Variants in KCNRG observed in about 807,000 individuals in gnomAD.
The protein encoded by KCNRG is potassium channel regulator, also known as potassium channel regulatory protein.
KCNRG carries 17 observed loss-of-function variants against 17.7 expected under a neutral mutation model. The ratio of observed to expected loss-of-function variants is 0.96; its 90% confidence interval spans 0.66 to 1.44. KCNRG has a LOEUF of 1.44. Among genes scored for constraint, KCNRG ranks in the 40% most tolerant of loss-of-function variants. The pLI, the probability that KCNRG is intolerant of heterozygous loss-of-function variation, is 0.00. For missense variants in KCNRG, 311 were observed against 321.1 expected (o/e 0.97, Z 0.24); for synonymous variants, 97 against 116.5 (o/e 0.83, Z 1.08).
At chr13:50,019,655 C>T (rs1877027466) in intron 1 of KCNRG, among the ~76,000 whole-genome samples, 1 of 152,114 alleles carries the variant, frequency 6.6e-6, no homozygotes, top group South Asian at 2.1e-4. Flanking sequence ...AGTGATCTCT[C>T]AAAAATTGAT....
intron 1 of KCNRG, among the ~76,000 whole-genome samples, chr13:50,019,206 G>A (rs1876988321): frequency 6.6e-6 from 1 of 151,536 alleles, no homozygotes; most frequent in Admixed American, 6.6e-5. Context: ...GTGCAATGGC[G>A]CCATCTTGGC....
At position 50,015,681 on chromosome 13, in the gene KCNRG, A is replaced by AT. The variant is rs758301144; in HGVS notation, c.194dup (p.Leu65PhefsTer11). 1.9e-6 allele frequency: 3 copies of AT among 1,614,108 alleles called. No individual in the cohort carries two copies. Among genetic ancestry groups the AT allele is most frequent in the Non-Finnish European group, 2.5e-6 (3 of 1,179,978 alleles). Reference sequence around the variant, plus strand: ...GGTGATTTGTTTAGTTTCATCTTAGATTTTTTGAGAACTCACCAGCTTTTA... The same window carrying AT: ...GGTGATTTGTTTAGTTTCATCTTAGATTTTTTTGAGAACTCACCAGCTTTTA... On this transcript the variant is annotated frameshift_variant, in exon 1 of 2. Coordinates refer to ENST00000312942, the MANE Select transcript of KCNRG (RefSeq NM_173605.2). LOFTEE classifies it high-confidence loss of function.
At position 50,016,072 on chromosome 13, in the gene KCNRG, G is replaced by A. The variant is rs1409404953; in HGVS notation, c.578+1G>A. On this transcript the variant is annotated splice_donor_variant, in intron 1 of 1. Coordinates refer to ENST00000312942, the MANE Select transcript of KCNRG (RefSeq NM_173605.2). LOFTEE classifies it high-confidence loss of function. ...CTACTGATAACCAAACTGGAGTCAG[G>A]TATTTTGTACTTTGCAGTATTTCTC... 1 of 1,610,576 alleles carries A rather than the reference G, an allele frequency of 6.2e-7. No individual in the cohort carries two copies. The highest frequency in any genetic ancestry group is 8.5e-7 in the Non-Finnish European group (1 of 1,177,042).
chr13:50,017,522 T>C (rs1308805741), intron 1 of KCNRG: 1 of 167,070 alleles, frequency 6.0e-6, no homozygotes, highest in African/African-American at 2.4e-5. Flanking sequence ...GAAAACATTA[T>C]ATTTAGACTT....
intron 1 of KCNRG, chr13:50,018,908 G>A: frequency 6.5e-6 from 1 of 154,974 alleles, no homozygotes. Flanking sequence ...CTCCCGAGTA[G>A]CTGGGATTAC....
chr13:50,020,452 T>A lies in KCNRG; in HGVS notation c.817T>A (p.Ter273ArgextTer51), dbSNP rs894509102. Residue 273 changes from the stop codon to arginine, a stop_lost, in exon 2 of 2, where the codon TGA becomes AGA. Coordinates refer to ENST00000312942, the MANE Select transcript of KCNRG (RefSeq NM_173605.2). ...ACCAGAGCAATCTCAGATAAAGAAATGAAGTTGTCTATCCTCTTTTAAAGA... is the reference window on the plus strand; with the variant it reads ...ACCAGAGCAATCTCAGATAAAGAAAAGAAGTTGTCTATCCTCTTTTAAAGA... ...IIPEQSQIKK* is the reference protein window; with the variant it reads ...IIPEQSQIKKR 4 of 1,612,354 alleles carry A rather than the reference T, an allele frequency of 2.5e-6. No individual in the cohort carries two copies. In the East Asian group the frequency reaches 8.9e-5, roughly 36 times the overall value.
rs1157678442 is a variant in KCNRG at position 50,016,050 on chromosome 13, C to G, written c.557C>G (p.Thr186Ser). The G allele has an allele frequency of 6.2e-7, 1 of 1,613,144 alleles. No individual in the cohort carries two copies. The highest frequency in any genetic ancestry group is 8.5e-7 in the Non-Finnish European group (1 of 1,179,140). ...LVFQCGSDST[T>S]DNQTGVRYVS... ...TTCCAGTGTGGTTCTGACAGCACTA[C>G]TGATAACCAAACTGGAGTCAGGTAT... Residue 186 changes from threonine (T) to serine (S), a missense_variant, in exon 1 of 2, where the codon ACT becomes AGT. Physicochemically the swap from Thr to Ser is moderately conservative, Grantham distance 58. Transcript: ENST00000312942.
Position 50,019,190 on chromosome 13 carries a change from G to A in KCNRG, c.579-1024G>A, listed in dbSNP as rs542411415. On this transcript the variant is annotated intron_variant, in intron 1 of 1. Transcript: ENST00000312942. The stretch of plus-strand genomic sequence containing the variant: ...GACGGAGTCTCGCTCTGTCACCCAG[G>A]CTGGAGTGCAATGGCGCCATCTTGG... Among the ~76,000 whole-genome samples the A allele has an allele frequency of 2.0e-5, 3 of 151,814 alleles. No individual in the cohort carries two copies. In the East Asian group the frequency reaches 5.8e-4, roughly 29 times the overall value.
chr13:50,019,766 G>T (rs1331086020), intron 1 of KCNRG, among the ~76,000 whole-genome samples: 1 of 151,982 alleles, frequency 6.6e-6, no homozygotes, highest in South Asian at 2.1e-4. Context: ...AGCCTAGCAC[G>T]GTGGCTCATG....
intron 1 of KCNRG, among the ~76,000 whole-genome samples, chr13:50,019,373 T>C (rs1379768016): frequency 2.0e-5 from 3 of 152,172 alleles, no homozygotes; most frequent in South Asian, 4.1e-4. Context: ...TGGAGAGTTA[T>C]TGCGTAAAAA....
chr13:50,020,099 A>C (rs1877063742), intron 1 of KCNRG, 115 bp from the exon 2 acceptor site: 2 of 962,600 alleles, frequency 2.1e-6, no homozygotes, highest in Non-Finnish European at 3.1e-6. Flanking sequence ...TTCAAAAAAA[A>C]AATCTGTCTT....
rs191718855 is a variant in KCNRG, at chr13:50,015,940, G to A, written c.447G>A (p.Ala149=). ...CAGTGTTTACAGAACAACCTTCAGCGCCGACCTGGAATGGTAACTTTTTCC... is the reference window on the plus strand; with the variant it reads ...CAGTGTTTACAGAACAACCTTCAGCACCGACCTGGAATGGTAACTTTTTCC... The part of the protein sequence containing the change: ...RITVFTEQPS[A]PTWNGNFFPP... The change falls in exon 1 of 2, where the codon GCG becomes GCA. Residue 149 remains alanine (A), a synonymous_variant. Coordinates refer to ENST00000312942, the MANE Select transcript of KCNRG (RefSeq NM_173605.2). 2.4e-5 allele frequency: 38 copies of A among 1,614,038 alleles called. 1 individual carries two copies. The South Asian group carries it at 3.2e-4, about 14-fold the overall frequency.
rs1594593317 is a variant in KCNRG at position 50,015,544 on chromosome 13, G to A, written c.51G>A (p.Thr17=). Residue 17 remains threonine (T), a synonymous_variant, in exon 1 of 2, where the codon ACG becomes ACA. Transcript: ENST00000312942. ...TGAATGTGGGAGGGAAGATATTCAC[G>A]ACAAGGTTTTCTACGATAAAGCAGT... ...VTLNVGGKIF[T]TRFSTIKQFP... is the part of the protein sequence containing the mutation. 1.2e-6 allele frequency: 2 copies of A among 1,613,988 alleles called. No individual in the cohort carries two copies. Among genetic ancestry groups the A allele is most frequent in the Non-Finnish European group, 1.7e-6 (2 of 1,179,954 alleles).
intron 1 of KCNRG, chr13:50,016,996 G>C (rs1876681851): frequency 6.0e-6 from 1 of 166,854 alleles, no homozygotes; most frequent in Non-Finnish European, 1.5e-5. Context: ...CCAACTGGAG[G>C]ACACTAGGTA....
chr13:50,020,483 TG>T lies in KCNRG; in HGVS notation c.*30del. The T allele has an allele frequency of 6.2e-7, 1 of 1,602,314 alleles. No individual in the cohort carries two copies. Among genetic ancestry groups the T allele is most frequent in the South Asian group, 1.1e-5 (1 of 90,028 alleles). On this transcript the variant is annotated 3_prime_UTR_variant, in exon 2 of 2. Transcript: ENST00000312942. Reference sequence around the variant, plus strand: ...TGTCTATCCTCTTTTAAAGAGAAATTGCCATTTTTCTTGTTTCATTACGTAT... The same window carrying T: ...TGTCTATCCTCTTTTAAAGAGAAATTCCATTTTTCTTGTTTCATTACGTAT...
Position 50,015,632 on chromosome 13 carries a change from G to A in KCNRG, c.139G>A (p.Gly47Ser), listed in dbSNP as rs150313045. Reference protein sequence around the residue: ...GRDQEFKMVGGQIFVDRDGDL... With the variant: ...GRDQEFKMVGSQIFVDRDGDL... The stretch of plus-strand genomic sequence containing the variant: ...AGACCAAGAATTCAAGATGGTTGGT[G>A]GCCAGATTTTTGTAGACAGAGATGG... Residue 47 changes from glycine (G) to serine (S), a missense_variant, in exon 1 of 2, where the codon GGC (glycine) becomes AGC (serine). Gly to Ser is a moderately conservative substitution (Grantham distance 56). Coordinates refer to ENST00000312942, the MANE Select transcript of KCNRG (RefSeq NM_173605.2). The A allele has an allele frequency of 2.0e-4, 318 of 1,614,080 alleles. 2 individuals are homozygous for A. In the African/African-American group the frequency reaches 3.9e-3, roughly 20 times the overall value.
At chr13:50,019,869 C>T (rs1289413630) in intron 1 of KCNRG, among the ~76,000 whole-genome samples, 1 of 151,948 alleles carries the variant, frequency 6.6e-6, no homozygotes, top group Non-Finnish European at 1.5e-5. Flanking sequence ...GAAACTCAAT[C>T]TTTACTAAAA....
chr13:50,020,316 C>G lies in KCNRG; in HGVS notation c.681C>G (p.Ser227Arg). 1 of 1,614,054 alleles carries G rather than the reference C, an allele frequency of 6.2e-7. No individual in the cohort carries two copies. Among genetic ancestry groups the G allele is most frequent in the Non-Finnish European group, 8.5e-7 (1 of 1,179,940 alleles). ...TLLKEGFHLV[S>R]TRTVSSEDKT... is the part of the protein sequence containing the mutation. ...TAAAGGAAGGCTTTCATTTGGTCAG[C>G]ACTAGAACAGTATCTTCTGAAGACA... Residue 227 changes from serine (S) to arginine (R), a missense_variant, in exon 2 of 2, where the codon AGC becomes AGG. Ser to Arg is a moderately radical substitution (Grantham distance 110). Transcript: ENST00000312942.
chr13:50,016,681 C>T (rs1876628067), intron 1 of KCNRG: 1 of 167,072 alleles, frequency 6.0e-6, no homozygotes, highest in Non-Finnish European at 1.5e-5. Context: ...CACTTACTCC[C>T]TCTGTTGTTC....
Sources: allele counts gnomAD v4.1 joint callset (sites outside exome capture counted in the v4.1 genomes callset), GRCh38; gene constraint gnomAD v4.1.1; transcripts MANE v1.5; gene names NCBI Gene and HGNC (gene_info 2026-07-23, HGNC 2026-07-21).